The following PREX1 variants were observed in gnomAD, a reference collection of about 807,000 sequenced individuals.
PREX1 encodes phosphatidylinositol-3,4,5-trisphosphate dependent Rac exchange factor 1, also known as phosphatidylinositol 3,4,5-trisphosphate-dependent Rac exchanger 1 protein.
A neutral mutation model predicts 198.3 loss-of-function variants in PREX1; 41 were observed. That is an observed-to-expected ratio of 0.21 (90% CI 0.16 to 0.27). The LOEUF (loss-of-function observed/expected upper bound fraction) is 0.27, where lower values mean the gene tolerates loss of function less well. PREX1 is among the 10% of genes least tolerant of loss of function. The pLI, the probability that PREX1 is intolerant of heterozygous loss-of-function variation, is 1.00. For missense variants in PREX1, 1,620 were observed against 2,200.7 expected (o/e 0.74, Z 5.28); for synonymous variants, 843 against 887.2 (o/e 0.95, Z 0.89).
the PREX1 span, among the ~76,000 whole-genome samples, chr20:48,839,488 A>G: frequency 1.3e-5 from 2 of 152,224 alleles, no homozygotes; most frequent in African/African-American, 4.8e-5. Context: ...GTTTATGTAA[A>G]TGGTACAGAG....
At chr20:48,798,954 T>C (rs924051164) in intron 1 of PREX1, among the ~76,000 whole-genome samples, 1 of 152,208 alleles carries the variant, frequency 6.6e-6, no homozygotes, top group Non-Finnish European at 1.5e-5. Flanking sequence ...TCCAGTGCAA[T>C]GGCGAGATCT....
Position 48,642,246 on chromosome 20 carries a change from T to A in PREX1, c.3697A>T (p.Asn1233Tyr). The A allele has an allele frequency of 6.2e-7, 1 of 1,614,190 alleles. No homozygotes were observed. The highest frequency in any genetic ancestry group is 1.7e-5 in the Admixed American group (1 of 60,028). Residue 1233 changes from asparagine to tyrosine, a missense_variant, in exon 29 of 40, where the codon AAT becomes TAT. Around this residue, in one of 7 missense-constraint regions of PREX1, gnomAD observed 476 missense variants for 603.4 expected, o/e 0.79. Transcript: ENST00000371941. The stretch of plus-strand genomic sequence containing the variant: ...ATGACTGGCCCCTTGAGGAGAGCAT[T>A]GATGGAGTCCACCTGGGTGGCAAGA... ...EHLFNQVDSI[N>Y]ALLKGPVMSR... is the part of the protein sequence containing the mutation.
chr20:48,849,248 T>C, the PREX1 span, among the ~76,000 whole-genome samples: 15 of 152,206 alleles, frequency 9.9e-5, no homozygotes, highest in Non-Finnish European at 8.8e-5. Context: ...GATATATATA[T>C]ACATATCACT....
At chr20:48,719,664 A>G (rs1276865878) in intron 5 of PREX1, among the ~76,000 whole-genome samples, 2 of 152,148 alleles carry the variant, frequency 1.3e-5, no homozygotes, top group African/African-American at 2.4e-5. Context: ...CAAAAGGACA[A>G]TTGTCCAATA....
At chr20:48,838,984 ACT>A in the PREX1 span, among the ~76,000 whole-genome samples, 42 of 119,692 alleles carry the variant, frequency 3.5e-4, no homozygotes, top group African/African-American at 9.6e-4. Context: ...CAAGATCGTG[ACT>A]CTGTCTCAAA....
intron 1 of PREX1, among the ~76,000 whole-genome samples, chr20:48,825,939 G>C (rs756518901): frequency 8.4e-5 from 12 of 142,232 alleles, no homozygotes; most frequent in Admixed American, 3.1e-4. Context: ...GGCCTTCCTA[G>C]AAGGGTCCTT....
chr20:48,732,645 C>A lies in PREX1; in HGVS notation c.519+1901G>T, dbSNP rs554181971. The stretch of plus-strand genomic sequence containing the variant: ...GTGAAGTCATCAAAATCACCTGTGA[C>A]AAAGGCTATGCAGTGTCCCCTAATG... On this transcript the variant is annotated intron_variant, in intron 4 of 39. Transcript: ENST00000371941. Among the ~76,000 whole-genome samples the A allele has an allele frequency of 2.0e-5, 3 of 152,294 alleles. No individual in the cohort carries two copies. The East Asian group carries it at 5.8e-4, about 29-fold the overall frequency.
chr20:48,849,934 A>G, the PREX1 span, among the ~76,000 whole-genome samples: 1 of 152,130 alleles, frequency 6.6e-6, no homozygotes, highest in Admixed American at 6.6e-5. Context: ...CTGGAGCCAG[A>G]TGTTCTGGGT....
intron 3 of PREX1, among the ~76,000 whole-genome samples, chr20:48,742,113 G>A (rs1473745995): frequency 1.3e-5 from 2 of 152,098 alleles, no homozygotes; most frequent in Non-Finnish European, 2.9e-5. Flanking sequence ...TTGTGCCCGG[G>A]CATCACAGCA....
At chr20:48,790,545 C>T (rs538128435) in intron 1 of PREX1, among the ~76,000 whole-genome samples, 3 of 152,136 alleles carry the variant, frequency 2.0e-5, no homozygotes, top group African/African-American at 7.2e-5. Context: ...GGCTGCCTCT[C>T]GAGACAGCTA....
At chr20:48,657,239 T>C (rs754104466) in intron 17 of PREX1, 51 bp from the exon 18 acceptor site, 5 of 1,589,034 alleles carry the variant, frequency 3.1e-6, no homozygotes, top group Middle Eastern at 1.7e-4. Context: ...CTAAGCTCCT[T>C]CCCTCCTCAC....
intron 19 of PREX1, 91 bp downstream of exon 19, chr20:48,655,199 G>T: frequency 8.0e-7 from 1 of 1,254,228 alleles, no homozygotes; most frequent in Non-Finnish European, 1.1e-6. Context: ...TCTGGCAGAA[G>T]CCTAGAGTTC....
chr20:48,648,097 G>C (rs1330162684), intron 25 of PREX1, among the ~76,000 whole-genome samples: 1 of 152,108 alleles, frequency 6.6e-6, no homozygotes, highest in South Asian at 2.1e-4. Flanking sequence ...TATAGAGATA[G>C]GGTTTCACTA....
At chr20:48,711,129 A>G (rs962085036) in intron 5 of PREX1, among the ~76,000 whole-genome samples, 1 of 152,230 alleles carries the variant, frequency 6.6e-6, no homozygotes, top group Admixed American at 6.5e-5. Context: ...GGCTACTGCC[A>G]AAGTCCAGGC....
intron 17 of PREX1, 45 bp downstream of exon 17, chr20:48,658,091 C>G: frequency 1.3e-6 from 2 of 1,574,252 alleles, no homozygotes; most frequent in Admixed American, 3.6e-5. Flanking sequence ...ACACCCCGCT[C>G]TGCCACCTGC....
intron 1 of PREX1, among the ~76,000 whole-genome samples, chr20:48,824,046 T>C (rs2090498717): frequency 6.6e-6 from 1 of 152,228 alleles, no homozygotes; most frequent in South Asian, 2.1e-4. Flanking sequence ...ACTGTCATTG[T>C]TTTCATCATG....
At chr20:48,878,015 A>G in the PREX1 span, among the ~76,000 whole-genome samples, 2 of 152,248 alleles carry the variant, frequency 1.3e-5, no homozygotes, top group Admixed American at 6.5e-5. Context: ...AGGCTGAGGC[A>G]GGATAATCGC....
intron 37 of PREX1, 83 bp from the exon 38 acceptor site, chr20:48,628,046 G>A: frequency 1.1e-6 from 1 of 940,630 alleles, no homozygotes; most frequent in Non-Finnish European, 1.6e-6. Flanking sequence ...AGGACAGTGG[G>A]TGAGAGCTGG....
At chr20:48,743,610 T>A (rs2043483091) in intron 3 of PREX1, among the ~76,000 whole-genome samples, 1 of 152,218 alleles carries the variant, frequency 6.6e-6, no homozygotes, top group African/African-American at 2.4e-5. Context: ...AATAGGAAGA[T>A]AACGTCGACA....
Sources: allele counts gnomAD v4.1 joint callset (sites outside exome capture counted in the v4.1 genomes callset), GRCh38; gene constraint gnomAD v4.1.1; regional missense constraint gnomAD v4.1.1; transcripts MANE v1.5; gene names NCBI Gene and HGNC (gene_info 2026-07-23, HGNC 2026-07-21).